Variants in ARHGEF28 observed in about 807,000 individuals in gnomAD.
The protein encoded by ARHGEF28 is 190 kDa guanine nucleotide exchange factor.
ARHGEF28 carries 152 observed loss-of-function variants against 206.6 expected under a neutral mutation model. That is an observed-to-expected ratio of 0.74 (90% CI 0.64 to 0.84). ARHGEF28 has a LOEUF of 0.84. ARHGEF28 is among the 40% of genes least tolerant of loss of function. The pLI, the probability that ARHGEF28 is intolerant of heterozygous loss-of-function variation, is 0.00. For synonymous variants in ARHGEF28, 763 were observed against 776.4 expected (o/e 0.98, Z 0.29); for missense variants, 2,028 against 2,073.2 (o/e 0.98, Z 0.42).
At chr5:73,663,381 C>G (rs1206459169) in intron 1 of ARHGEF28, among the ~76,000 whole-genome samples, 3 of 152,224 alleles carry the variant, frequency 2.0e-5, no homozygotes, top group African/African-American at 7.2e-5. Flanking sequence ...CTCTCCAGGA[C>G]TGGTGTGCCC....
intron 35 of ARHGEF28, among the ~76,000 whole-genome samples, chr5:73,912,232 TG>T (rs1321081940): frequency 6.6e-6 from 1 of 152,306 alleles, no homozygotes; most frequent in East Asian, 1.9e-4. Flanking sequence ...AATTGTTTTC[TG>T]GGGGATATGA....
At chr5:73,635,408 C>T (rs766806421) in intron 1 of ARHGEF28, among the ~76,000 whole-genome samples, 3 of 152,074 alleles carry the variant, frequency 2.0e-5, no homozygotes, top group Admixed American at 6.5e-5. Flanking sequence ...TAGCACACAC[C>T]TAGGAATCAG....
chr5:73,661,587 G>A (rs1745600653), intron 1 of ARHGEF28, among the ~76,000 whole-genome samples: 1 of 152,088 alleles, frequency 6.6e-6, no homozygotes, highest in African/African-American at 2.4e-5. Flanking sequence ...TTTGAAGTGA[G>A]AGACATGCAA....
At chr5:73,878,145 T>C (rs1760656601) in intron 22 of ARHGEF28, among the ~76,000 whole-genome samples, 3 of 151,950 alleles carry the variant, frequency 2.0e-5, no homozygotes, top group South Asian at 4.2e-4. Flanking sequence ...TAGTTAGCTC[T>C]TCTTGTTGAA....
chr5:73,902,604 A>G (rs1428878282), intron 31 of ARHGEF28: 3 of 152,378 alleles, frequency 2.0e-5, no homozygotes, highest in Non-Finnish European at 1.5e-5. Flanking sequence ...TAAAAGGTGT[A>G]TAATGGATAT....
chr5:73,711,683 T>C (rs1749254293), intron 2 of ARHGEF28, among the ~76,000 whole-genome samples: 1 of 152,158 alleles, frequency 6.6e-6, no homozygotes, highest in Non-Finnish European at 1.5e-5. Flanking sequence ...CCAACCTCAC[T>C]TATTAGTTGT....
chr5:73,776,371 C>G, intron 5 of ARHGEF28, 145 bp from the exon 6 acceptor site: 1 of 626,170 alleles, frequency 1.6e-6, no homozygotes, highest in East Asian at 2.8e-5. Context: ...TTTTTATGAT[C>G]TTATGTATTT....
chr5:73,767,667 G>A (rs545006872), intron 4 of ARHGEF28, among the ~76,000 whole-genome samples: 1 of 152,260 alleles, frequency 6.6e-6, no homozygotes, highest in African/African-American at 2.4e-5. Context: ...TTTTATAAGG[G>A]AAGCAGAGCA....
intron 14 of ARHGEF28, 91 bp downstream of exon 14, chr5:73,852,783 C>T: frequency 2.2e-6 from 3 of 1,357,740 alleles, no homozygotes; most frequent in Non-Finnish European, 3.2e-6. Flanking sequence ...TTCACTAGTT[C>T]ATGAGAGGTT....
At chr5:73,814,440 G>A (rs4455542) in intron 9 of ARHGEF28, among the ~76,000 whole-genome samples, 22,846 of 151,904 alleles carry the variant, frequency 0.15, 1,944 homozygotes, top group East Asian at 0.24. Flanking sequence ...AGGGTGTAGA[G>A]GAAGTGCCCT....
chr5:73,801,243 G>A (rs1206902127), intron 9 of ARHGEF28, among the ~76,000 whole-genome samples: 3 of 151,986 alleles, frequency 2.0e-5, no homozygotes, highest in Admixed American at 6.6e-5. Flanking sequence ...TCGGGAGATC[G>A]AGACCATCCT....
chr5:73,852,278 G>C (rs542821653), intron 13 of ARHGEF28, among the ~76,000 whole-genome samples: 2 of 152,262 alleles, frequency 1.3e-5, no homozygotes, highest in East Asian at 3.9e-4. Flanking sequence ...GTTATTTATT[G>C]GTTCTGTATG....
At chr5:73,661,667 C>T (rs1253875036) in intron 1 of ARHGEF28, among the ~76,000 whole-genome samples, 6 of 151,882 alleles carry the variant, frequency 4.0e-5, no homozygotes, top group Non-Finnish European at 4.4e-5. Context: ...AATATTGTGT[C>T]TCAGGGAATA....
intron 2 of ARHGEF28, among the ~76,000 whole-genome samples, chr5:73,689,402 G>T (rs1747677239): frequency 6.6e-6 from 1 of 152,074 alleles, no homozygotes; most frequent in Admixed American, 6.6e-5. Flanking sequence ...GAGTGCACTG[G>T]CATGATCTTA....
At chr5:73,901,048 T>G in intron 30 of ARHGEF28, 136 bp from the exon 31 acceptor site, 2 of 671,906 alleles carry the variant, frequency 3.0e-6, no homozygotes, top group South Asian at 3.5e-5. Flanking sequence ...GCACCTCATC[T>G]AAGAATACTC....
chr5:73,900,706 G>A (rs1034719917), intron 30 of ARHGEF28: 1 of 152,910 alleles, frequency 6.5e-6, no homozygotes, highest in African/African-American at 2.4e-5. Flanking sequence ...CTCCTGCTTC[G>A]GACTCCTCCT....
At position 73,749,896 on chromosome 5, in the gene ARHGEF28, G is replaced by A. The variant is rs1212622541; in HGVS notation, c.93G>A (p.Glu31=). 6.2e-6 allele frequency: 10 copies of A among 1,613,900 alleles called. No individual in the cohort carries two copies. The highest frequency in any genetic ancestry group is 8.5e-6 in the Non-Finnish European group (10 of 1,179,892). Residue 31 remains glutamate (E), a synonymous_variant, in exon 3 of 36, where the codon GAG becomes GAA. Transcript: ENST00000513042. ...ATGTGTATCTTCCTGAAGATGCTGAGTTTTACTTTACTTATGACGGATCTC... is the reference window on the plus strand; with the variant it reads ...ATGTGTATCTTCCTGAAGATGCTGAATTTTACTTTACTTATGACGGATCTC... ...DKNVYLPEDA[E]FYFTYDGSHQ...
chr5:73,922,609 A>T (rs1330403987), intron 35 of ARHGEF28, among the ~76,000 whole-genome samples: 2 of 152,184 alleles, frequency 1.3e-5, no homozygotes, highest in Non-Finnish European at 1.5e-5. Context: ...ACATTCTTAA[A>T]ATTATATAAG....
chr5:73,630,167 C>A (rs906255602), intron 1 of ARHGEF28, among the ~76,000 whole-genome samples: 1 of 152,248 alleles, frequency 6.6e-6, no homozygotes, highest in East Asian at 1.9e-4. Context: ...ATAGATGAAG[C>A]GTATATTGTA....
Sources: allele counts gnomAD v4.1 joint callset (sites outside exome capture counted in the v4.1 genomes callset), GRCh38; gene constraint gnomAD v4.1.1; transcripts MANE v1.5; gene names NCBI Gene and HGNC (gene_info 2026-07-23, HGNC 2026-07-21).